MYO5C: variants seen among roughly 807,000 people sequenced by gnomAD.
MYO5C encodes the protein myosin VC.
In MYO5C, 194 loss-of-function variants were observed where a neutral mutation model predicts 235.7. The ratio of observed to expected loss-of-function variants is 0.82; its 90% CI spans 0.73 to 0.93. MYO5C has a LOEUF of 0.93. MYO5C is among the 40% of genes least tolerant of loss of function. The pLI is 0.00. For synonymous variants in MYO5C, 707 were observed against 754.8 expected (o/e 0.94, Z 1.04); for missense variants, 2,038 against 2,127.2 (o/e 0.96, Z 0.82).
At chr15:52,278,634 T>C (rs1773211888) in intron 4 of MYO5C, among the ~76,000 whole-genome samples, 1 of 152,054 alleles carries the variant, frequency 6.6e-6, no homozygotes, top group African/African-American at 2.4e-5. Context: ...ATTCCCAGAC[T>C]GGTAGGACTG....
intron 22 of MYO5C, among the ~76,000 whole-genome samples, chr15:52,236,191 A>G (rs1327898417): frequency 2.6e-5 from 4 of 152,232 alleles, no homozygotes; most frequent in African/African-American, 9.6e-5. Context: ...CAGGATTCCT[A>G]TCATTTCAAC....
chr15:52,273,895 T>C (rs564547174), intron 5 of MYO5C, among the ~76,000 whole-genome samples: 1 of 152,234 alleles, frequency 6.6e-6, no homozygotes, highest in South Asian at 2.1e-4. Flanking sequence ...AACTAGAAGT[T>C]CACATCTTTC....
At chr15:52,259,050 G>C (rs2036637539) in intron 10 of MYO5C, among the ~76,000 whole-genome samples, 1 of 152,126 alleles carries the variant, frequency 6.6e-6, no homozygotes, top group Non-Finnish European at 1.5e-5. Flanking sequence ...TCCCACGGTG[G>C]CAGGAGCCGT....
chr15:52,232,837 A>C (rs1324907324), intron 23 of MYO5C, 152 bp from the exon 24 acceptor site: 8 of 651,394 alleles, frequency 1.2e-5, no homozygotes, highest in African/African-American at 3.7e-5. Context: ...TTTTTTATAA[A>C]CAAGAAATAA....
chr15:52,222,474 G>A (rs537785265), intron 29 of MYO5C, among the ~76,000 whole-genome samples: 1 of 152,290 alleles, frequency 6.6e-6, no homozygotes, highest in Non-Finnish European at 1.5e-5. Context: ...AGAGCGGGGC[G>A]TCCTGGAAGC....
chr15:52,278,851 G>C (rs758613227), intron 4 of MYO5C, 22 bp downstream of exon 4: 1 of 1,612,572 alleles, frequency 6.2e-7, no homozygotes. Context: ...GCAAGGGGAA[G>C]TCCAGCTTGG....
At chr15:52,240,348 C>G (rs1352769097) in intron 20 of MYO5C, among the ~76,000 whole-genome samples, 1 of 151,776 alleles carries the variant, frequency 6.6e-6, no homozygotes, top group East Asian at 1.9e-4. Flanking sequence ...GAGGGAAGAT[C>G]GCTTGAGGCC....
In MYO5C at chr15:52,271,788, C is replaced by A; in HGVS notation, c.807G>T (p.Gln269His). 3 of 1,572,498 alleles carry A rather than the reference C, an allele frequency of 1.9e-6. No homozygotes were observed. The highest frequency in any genetic ancestry group is 2.6e-6 in the Non-Finnish European group (3 of 1,151,322). The change falls in exon 7 of 41, where the codon CAG (glutamine) becomes CAT (histidine). Residue 269 changes from glutamine (Q) to histidine (H), a missense_variant. Coordinates refer to ENST00000261839, the MANE Select transcript of MYO5C (RefSeq NM_018728.4). ...IFYQLCASAQ[Q>H]SEFKHLKLGS... ...CCAATTTAAGATGTTTAAATTCCGA[C>A]TGCTGTGCAGATGCACAAAGCTGAT...
chr15:52,273,045 G>A (rs1331745328), intron 5 of MYO5C, among the ~76,000 whole-genome samples: 3 of 152,210 alleles, frequency 2.0e-5, no homozygotes, highest in African/African-American at 4.8e-5. Context: ...CTGGCTAGGT[G>A]CAGCGGCTCA....
At chr15:52,215,450 A>G (rs1256003484) in intron 32 of MYO5C, among the ~76,000 whole-genome samples, 2 of 152,236 alleles carry the variant, frequency 1.3e-5, no homozygotes, top group African/African-American at 4.8e-5. Flanking sequence ...TGACCCAGAA[A>G]GACCCACCAT....
rs776260098 is a variant in MYO5C, at chr15:52,264,292, G to A, written c.945C>T (p.Phe315=). 1.9e-6 allele frequency: 3 copies of A among 1,613,094 alleles called. No homozygotes were observed. The highest frequency in any genetic ancestry group is 2.5e-6 in the Non-Finnish European group (3 of 1,179,238). The change falls in exon 9 of 41, where the codon TTC becomes TTT. Residue 315 remains phenylalanine (F), a synonymous_variant. Transcript: ENST00000261839. ...ETQKTFTLLG[F]KEDFQMDVFK... The stretch of plus-strand genomic sequence containing the variant: ...AAACGTCCATCTGAAAATCCTCCTT[G>A]AAACCTAAAAACAAACATTTTCCCA...
At chr15:52,220,358 G>A (rs1596152626) in intron 30 of MYO5C, among the ~76,000 whole-genome samples, 1 of 152,032 alleles carries the variant, frequency 6.6e-6, no homozygotes, top group African/African-American at 2.4e-5. Context: ...TTATTTTTTT[G>A]TATGTTTTTT....
chr15:52,245,883 G>T, intron 17 of MYO5C, 73 bp downstream of exon 17: 2 of 1,369,318 alleles, frequency 1.5e-6, no homozygotes, highest in Non-Finnish European at 1.0e-6. Flanking sequence ...AATCATGGCA[G>T]CCATGTCCTT....
At chr15:52,217,656 T>C (rs1398335382) in intron 32 of MYO5C, among the ~76,000 whole-genome samples, 1 of 152,240 alleles carries the variant, frequency 6.6e-6, no homozygotes, top group Non-Finnish European at 1.5e-5. Flanking sequence ...TCCTATTAAA[T>C]GTCAAACTCC....
At chr15:52,234,102 T>C (rs1448520541) in intron 23 of MYO5C, among the ~76,000 whole-genome samples, 1 of 152,254 alleles carries the variant, frequency 6.6e-6, no homozygotes. Flanking sequence ...AGCATTGGCT[T>C]TAATTCTGGT....
chr15:52,291,995 T>C (rs916744819), intron 1 of MYO5C, among the ~76,000 whole-genome samples: 1 of 152,098 alleles, frequency 6.6e-6, no homozygotes, highest in Non-Finnish European at 1.5e-5. Flanking sequence ...CGCCTCGGCC[T>C]CCCAAAGTGC....
chr15:52,241,552 C>T (rs2036222721), intron 20 of MYO5C, among the ~76,000 whole-genome samples: 1 of 152,190 alleles, frequency 6.6e-6, no homozygotes, highest in African/African-American at 2.4e-5. Flanking sequence ...AGCCACCGTG[C>T]CCAGCCAGTG....
intron 1 of MYO5C, among the ~76,000 whole-genome samples, chr15:52,294,881 G>A (rs1476701197): frequency 2.0e-5 from 3 of 152,320 alleles, no homozygotes; most frequent in Middle Eastern, 6.8e-3. Flanking sequence ...TATGAAAGGC[G>A]CTTTAGAAAC....
At chr15:52,265,465 C>T (rs1314371576) in intron 8 of MYO5C, among the ~76,000 whole-genome samples, 1 of 152,146 alleles carries the variant, frequency 6.6e-6, no homozygotes, top group Non-Finnish European at 1.5e-5. Flanking sequence ...AGCCAATGAC[C>T]CCTCACTTGA....
Sources: gnomAD v4.1 joint callset for allele counts (sites outside exome capture counted in the v4.1 genomes callset) on GRCh38, gnomAD v4.1.1 for gene constraint, MANE v1.5 for transcripts, NCBI Gene and HGNC (gene_info 2026-07-23, HGNC 2026-07-21) for gene names.